The following C3orf20 variants were observed in gnomAD, a reference collection of about 807,000 sequenced individuals.
C3orf20 encodes the protein family with sequence similarity 149 member C, also known as uncharacterized protein C3orf20.
In C3orf20, 76 loss-of-function variants were observed where a neutral mutation model predicts 88.3. The observed-to-expected ratio is 0.86, with a 90% CI of 0.72 to 1.04. The LOEUF (loss-of-function observed/expected upper bound fraction) is 1.04. Ranked by LOEUF, C3orf20 falls within the 50% of genes least tolerant of loss-of-function variation. The pLI is 0.00. For missense variants in C3orf20, 1,056 were observed against 1,123.3 expected (o/e 0.94, Z 0.86); for synonymous variants, 436 against 437.4 (o/e 1.00, Z 0.04).
At chr3:14,711,349 G>A (rs991580476) in intron 7 of C3orf20, among the ~76,000 whole-genome samples, 2 of 152,020 alleles carry the variant, frequency 1.3e-5, no homozygotes, top group Non-Finnish European at 2.9e-5. Flanking sequence ...TCTGTTATTA[G>A]GTGTGTATAT....
intron 15 of C3orf20, among the ~76,000 whole-genome samples, chr3:14,762,032 A>C (rs1402585356): frequency 1.3e-5 from 2 of 152,064 alleles, no homozygotes; most frequent in Non-Finnish European, 2.9e-5. Flanking sequence ...ACACCCTACC[A>C]CCACCTCATG....
At chr3:14,731,361 C>T (rs1485630027) in intron 12 of C3orf20, among the ~76,000 whole-genome samples, 1 of 152,072 alleles carries the variant, frequency 6.6e-6, no homozygotes, top group Non-Finnish European at 1.5e-5. Context: ...TCTCAGGGGG[C>T]CCCCACATCA....
chr3:14,748,979 T>C (rs1311289432), intron 12 of C3orf20, among the ~76,000 whole-genome samples: 2 of 152,248 alleles, frequency 1.3e-5, no homozygotes, highest in Non-Finnish European at 2.9e-5. Flanking sequence ...TGGTTTATAA[T>C]GTTCTTCAAG....
intron 10 of C3orf20, chr3:14,722,595 C>T (rs1205370409): frequency 1.1e-5 from 5 of 456,316 alleles, no homozygotes; most frequent in Non-Finnish European, 2.2e-5. Context: ...CTCTGCTCAG[C>T]CCCCCTGGCC....
At chr3:14,675,595 T>C (rs1156623648) in intron 1 of C3orf20, among the ~76,000 whole-genome samples, 1 of 152,202 alleles carries the variant, frequency 6.6e-6, no homozygotes, top group Non-Finnish European at 1.5e-5. Flanking sequence ...ATAGTAAGTG[T>C]GTGTTTGTCC....
intron 3 of C3orf20, among the ~76,000 whole-genome samples, chr3:14,683,581 A>G (rs190775192): frequency 1.6e-4 from 24 of 152,244 alleles, no homozygotes; most frequent in Non-Finnish European, 3.4e-4. Context: ...GGGAGTCATA[A>G]GAACCAGGGT....
At chr3:14,725,651 A>G (rs2034319982) in intron 10 of C3orf20, among the ~76,000 whole-genome samples, 1 of 152,170 alleles carries the variant, frequency 6.6e-6, no homozygotes, top group African/African-American at 2.4e-5. Flanking sequence ...TGTTGGGGAC[A>G]TCCTTTATAG....
Position 14,704,724 on chromosome 3 carries a change from G to A in C3orf20, c.1160+106G>A. 4 of 1,365,478 alleles carry A rather than the reference G, an allele frequency of 2.9e-6. No homozygotes were observed. The South Asian group carries it at 5.5e-5, about 19-fold the overall frequency. The allele number at this position is 1,365,478 out of a possible 1,614,324, so 84.6% of individuals were successfully genotyped here. A position where few individuals can be genotyped will look rare whatever the true frequency, so the allele number is the denominator to read the frequency against. ...TTCCTTGGGCCTTTTAGTTATCAGA[G>A]AAGCCTGGTGATGGGTCTCCTGGGT... On this transcript the variant is annotated intron_variant, in intron 7 of 16. Transcript: ENST00000253697.
intron 12 of C3orf20, among the ~76,000 whole-genome samples, chr3:14,729,954 A>G (rs1317332407): frequency 6.6e-6 from 1 of 152,260 alleles, no homozygotes; most frequent in Non-Finnish European, 1.5e-5. Context: ...CTAAGTGTGT[A>G]GCTCAATTAA....
In C3orf20 at chr3:14,704,429, T is replaced by G; in HGVS notation, c.971T>G (p.Leu324Trp). ...YKAKMPSHLM[L>W]ARKGDSQTPG... Reference sequence around the variant, plus strand: ...GCAAAGATGCCCTCTCATCTAATGTTGGCCCGCAAAGGAGACTCTCAGACC... The same window carrying G: ...GCAAAGATGCCCTCTCATCTAATGTGGGCCCGCAAAGGAGACTCTCAGACC... The change falls in exon 7 of 17, where the codon TTG becomes TGG. Residue 324 changes from leucine (L) to tryptophan (W), a missense_variant. Coordinates refer to ENST00000253697, the MANE Select transcript of C3orf20 (RefSeq NM_032137.5). 1 of 1,614,136 alleles carries G rather than the reference T, an allele frequency of 6.2e-7. No individual in the cohort carries two copies. Among genetic ancestry groups the G allele is most frequent in the Non-Finnish European group, 8.5e-7 (1 of 1,180,014 alleles).
chr3:14,676,418 G>T (rs936036323), intron 1 of C3orf20, among the ~76,000 whole-genome samples: 1 of 152,174 alleles, frequency 6.6e-6, no homozygotes, highest in Non-Finnish European at 1.5e-5. Flanking sequence ...TCCATGGAAT[G>T]TGTAATCAGT....
At position 14,769,056 on chromosome 3, in the gene C3orf20, T is replaced by C. The variant is rs773259047; in HGVS notation, c.2496-3011T>C. 3.6e-4 allele frequency among the ~76,000 whole-genome samples: 55 copies of C among 152,156 alleles called. 1 individual carries two copies. Among genetic ancestry groups the C allele is most frequent in the Middle Eastern group, 3.4e-3 (1 of 294 alleles). On this transcript the variant is annotated intron_variant, in intron 15 of 16. Transcript: ENST00000253697. The stretch of plus-strand genomic sequence containing the variant: ...CCCATCATTTGGTTCATTCGTTCAT[T>C]CACTCACTCATGCCTGGCTAAGAGC...
At chr3:14,743,338 T>C (rs2034969498) in intron 12 of C3orf20, among the ~76,000 whole-genome samples, 1 of 151,994 alleles carries the variant, frequency 6.6e-6, no homozygotes, top group African/African-American at 2.4e-5. Flanking sequence ...CTCCTTTGAC[T>C]CCAGGTCTCA....
chr3:14,721,006 C>T (rs2034138424), intron 9 of C3orf20, among the ~76,000 whole-genome samples: 1 of 152,222 alleles, frequency 6.6e-6, no homozygotes, highest in African/African-American at 2.4e-5. Flanking sequence ...TCACTCTCCC[C>T]AAGCTCCAAT....
At chr3:14,680,593 C>G (rs1337776450) in intron 1 of C3orf20, among the ~76,000 whole-genome samples, 1 of 152,138 alleles carries the variant, frequency 6.6e-6, no homozygotes, top group East Asian at 1.9e-4. Flanking sequence ...TCTGAATATA[C>G]TAAAAGCCAT....
chr3:14,711,262 G>A, intron 7 of C3orf20, among the ~76,000 whole-genome samples: 1 of 152,296 alleles, frequency 6.6e-6, no homozygotes, highest in African/African-American at 2.4e-5. Flanking sequence ...ACATGAGGTA[G>A]TGAAGTCTCC....
In C3orf20 at chr3:14,684,300, C is replaced by T. The variant is rs753195363; in HGVS notation, c.543C>T (p.His181=). The change falls in exon 4 of 17, where the codon CAC becomes CAT. Residue 181 remains histidine, a synonymous_variant. Coordinates refer to ENST00000253697, the MANE Select transcript of C3orf20 (RefSeq NM_032137.5). ...RRFVEASQLL[H]LNAKEMAFNC... is the part of the protein sequence containing the mutation. ...TTGTGGAGGCCAGCCAGCTCCTCCA[C>T]CTCAATGCCAAGGAGATGGCCTTCA... The T allele has an allele frequency of 2.6e-5, 42 of 1,614,048 alleles. No individual in the cohort carries two copies. Among genetic ancestry groups the T allele is most frequent in the Admixed American group, 3.3e-5 (2 of 59,996 alleles).
At chr3:14,764,560 C>T (rs2125042065) in intron 15 of C3orf20, among the ~76,000 whole-genome samples, 1 of 151,454 alleles carries the variant, frequency 6.6e-6, no homozygotes, top group South Asian at 2.1e-4. Flanking sequence ...GTCCTGGTGC[C>T]AGCTGGGCTC....
rs551334897 is a variant in C3orf20, at chr3:14,756,436, A to G, written c.1941-935A>G. Among the ~76,000 whole-genome samples the G allele has an allele frequency of 2.6e-5, 4 of 152,290 alleles. No homozygotes were observed. In the South Asian group the frequency reaches 6.2e-4, roughly 24 times the overall value. ...CAAAACACACCAAATTCATGAACTC[A>G]TGGAACTTGCATTCTAGTAGGACAG... On this transcript the variant is annotated intron_variant, in intron 12 of 16. Transcript: ENST00000253697.
Sources: allele counts gnomAD v4.1 joint callset (sites outside exome capture counted in the v4.1 genomes callset), GRCh38; gene constraint gnomAD v4.1.1; transcripts MANE v1.5; gene names NCBI Gene and HGNC (gene_info 2026-07-23, HGNC 2026-07-21).